The following CAPN13 variants were observed in gnomAD, a reference collection of about 807,000 sequenced individuals.
CAPN13 encodes calpain 13, also known as calpain-13.
CAPN13 carries 90 observed loss-of-function variants against 98.4 expected under a neutral mutation model. The observed-to-expected ratio is 0.92, with a 90% CI of 0.77 to 1.09. CAPN13 has a LOEUF of 1.09. Ranked by LOEUF, CAPN13 falls within the 50% of genes least tolerant of loss-of-function variation. The pLI is 0.00. For synonymous variants in CAPN13, 330 were observed against 305.5 expected (o/e 1.08, Z -0.84); for missense variants, 887 against 841.3 (o/e 1.05, Z -0.67).
chr2:30,777,580 T>A lies in CAPN13; in HGVS notation c.258A>T (p.Gln86His). The A allele has an allele frequency of 1.9e-6, 3 of 1,577,898 alleles. No homozygotes were observed. The East Asian group carries it at 6.9e-5, about 36-fold the overall frequency. Residue 86 changes from glutamine to histidine, a missense_variant, in exon 3 of 23, where the codon CAA (glutamine) becomes CAT (histidine). Gln to His is a conservative substitution (Grantham distance 24). Transcript: ENST00000295055. ...TTGCACTCTTACCTGCGCCTCCTTG[T>A]TGGATGTCAAATCTGCTTATATCAT... is the stretch of plus-strand genomic sequence containing the variant. ...ILDDISRFDI[Q>H]QGGAADCWFL...
At position 30,753,049 on chromosome 2, in the gene CAPN13, T is replaced by A; in HGVS notation, c.1087+4A>T. On this transcript the variant is annotated splice_donor_region_variant and intron_variant, in intron 10 of 22. Transcript: ENST00000295055. ...GGCAGTGTGACCACCAGCGTCATGATTACCTGCAGTGTTTCCTAGAATCAC... is the reference window on the plus strand; with the variant it reads ...GGCAGTGTGACCACCAGCGTCATGAATACCTGCAGTGTTTCCTAGAATCAC... The A allele has an allele frequency of 5.6e-6, 9 of 1,613,798 alleles. No homozygotes were observed. The highest frequency in any genetic ancestry group is 7.6e-6 in the Non-Finnish European group (9 of 1,179,784).
intron 2 of CAPN13, among the ~76,000 whole-genome samples, chr2:30,785,173 C>A (rs72867184): frequency 0.11 from 16,485 of 152,186 alleles, 2,742 homozygotes; most frequent in African/African-American, 0.36. Context: ...CCAGCAGAGT[C>A]CCTGCTAGGC....
At chr2:30,789,492 T>TC (rs1177795249) in intron 1 of CAPN13, among the ~76,000 whole-genome samples, 1 of 152,222 alleles carries the variant, frequency 6.6e-6, no homozygotes, top group African/African-American at 2.4e-5. Flanking sequence ...GAATTTTGCT[T>TC]CATTTCTCCT....
chr2:30,786,075 C>T (rs998708668), intron 2 of CAPN13, among the ~76,000 whole-genome samples: 2 of 152,196 alleles, frequency 1.3e-5, no homozygotes, highest in Non-Finnish European at 2.9e-5. Context: ...AGTTCTCCTT[C>T]CCATGTGCAG....
intron 2 of CAPN13, among the ~76,000 whole-genome samples, chr2:30,780,895 G>A (rs1383196327): frequency 6.6e-6 from 1 of 152,244 alleles, no homozygotes; most frequent in Non-Finnish European, 1.5e-5. Context: ...GGGAAAATGT[G>A]AATGTGCTGA....
intron 21 of CAPN13, 127 bp downstream of exon 21, chr2:30,731,217 G>T (rs1459846689): frequency 8.0e-6 from 6 of 746,946 alleles, no homozygotes; most frequent in African/African-American, 3.6e-5. Flanking sequence ...ATTGGAGGTT[G>T]GGGGGACAGC....
chr2:30,804,944 A>T (rs1034727378), intron 1 of CAPN13, among the ~76,000 whole-genome samples: 1 of 152,212 alleles, frequency 6.6e-6, no homozygotes, highest in Non-Finnish European at 1.5e-5. Context: ...ATGATAATTC[A>T]GTCTTTATTA....
intron 2 of CAPN13, among the ~76,000 whole-genome samples, chr2:30,783,918 T>C (rs1674123378): frequency 6.6e-6 from 1 of 152,134 alleles, no homozygotes; most frequent in Non-Finnish European, 1.5e-5. Flanking sequence ...TGGTGTCTCA[T>C]GCCTGTAATC....
At chr2:30,751,978 G>T (rs889549622) in intron 10 of CAPN13, among the ~76,000 whole-genome samples, 2 of 152,204 alleles carry the variant, frequency 1.3e-5, no homozygotes, top group African/African-American at 4.8e-5. Flanking sequence ...CTGATGTAAA[G>T]GTTTTGTTAG....
At chr2:30,741,618 T>C (rs2147967718) in intron 15 of CAPN13, 1 of 1,175,486 alleles carries the variant, frequency 8.5e-7, no homozygotes, top group Non-Finnish European at 1.1e-6. Flanking sequence ...CAATTGCTTG[T>C]TTAAAGATTT....
intron 1 of CAPN13, among the ~76,000 whole-genome samples, chr2:30,796,234 ATG>A (rs1394996976): frequency 1.4e-5 from 2 of 146,460 alleles, no homozygotes; most frequent in African/African-American, 2.6e-5. Flanking sequence ...GTATATATAT[ATG>A]TGTGCATATA....
chr2:30,756,083 G>C (rs543254588), intron 8 of CAPN13, among the ~76,000 whole-genome samples: 1 of 152,174 alleles, frequency 6.6e-6, no homozygotes, highest in South Asian at 2.1e-4. Context: ...TACAATACGA[G>C]ATCCAACAGA....
At chr2:30,739,719 C>T (rs1350568492) in intron 15 of CAPN13, among the ~76,000 whole-genome samples, 2 of 152,140 alleles carry the variant, frequency 1.3e-5, no homozygotes, top group Non-Finnish European at 2.9e-5. Flanking sequence ...TCTTTTTCCT[C>T]CATATTCCCA....
rs1396917660 is a variant in CAPN13, at chr2:30,730,770, A to G, written c.2000T>C (p.Met667Thr). The part of the protein sequence containing the change: ...LTEMEWMSLV[M>T]YN ...GCTTTCCTCTTTGCTTCAGTTGTAC[A>G]TGACCAGGCTCATCCACTGAAAAAT... The change falls in exon 22 of 23, where the codon ATG (methionine) becomes ACG (threonine). Residue 667 changes from methionine to threonine, a missense_variant. Coordinates refer to ENST00000295055, the MANE Select transcript of CAPN13 (RefSeq NM_144575.3). 1.3e-6 allele frequency: 1 copy of G among 780,918 alleles called. No homozygotes were observed. 48.4% of individuals were successfully genotyped at this position (780,918 alleles called of 1,614,324 possible). A position where few individuals can be genotyped will look rare whatever the true frequency, so the allele number is the denominator to read the frequency against.
chr2:30,788,318 C>T (rs1292017568), intron 1 of CAPN13, among the ~76,000 whole-genome samples: 3 of 152,150 alleles, frequency 2.0e-5, no homozygotes, highest in South Asian at 2.1e-4. Flanking sequence ...GACAGGCATG[C>T]AGTAGTCCCT....
chr2:30,739,238 T>A (rs1671533073), intron 15 of CAPN13, among the ~76,000 whole-genome samples: 1 of 152,152 alleles, frequency 6.6e-6, no homozygotes, highest in African/African-American at 2.4e-5. Context: ...GAAGAGGGGA[T>A]GCTATGCTGC....
rs902210282 is a variant in CAPN13 at position 30,741,601 on chromosome 2, G to T, written c.1536+307C>A. 1.7e-5 allele frequency: 19 copies of T among 1,138,882 alleles called. No individual in the cohort carries two copies. In the African/African-American group the frequency reaches 2.9e-4, roughly 17 times the overall value. The allele number at this position is 1,138,882 out of a possible 1,614,324, so 70.5% of individuals were successfully genotyped here. A position where few individuals can be genotyped will look rare whatever the true frequency, so the allele number is the denominator to read the frequency against. ...GTAGGAGAAGGAAAGGTTTCACGGG[G>T]TACTGCCAATTGCTTGTTTAAAGAT... is the stretch of plus-strand genomic sequence containing the variant. On this transcript the variant is annotated intron_variant, in intron 15 of 22. Coordinates refer to ENST00000295055, the MANE Select transcript of CAPN13 (RefSeq NM_144575.3).
In CAPN13 at chr2:30,733,627, C is replaced by G. The variant is rs114982428; in HGVS notation, c.1798+822G>C. ...GCAGCAATCTGTGCTTTAACGAGCC[C>G]TGAAGAGTCCCAGTTCCACATTATG... On this transcript the variant is annotated intron_variant, in intron 19 of 22. Transcript: ENST00000295055. Among the ~76,000 whole-genome samples the G allele has an allele frequency of 5.3e-3, 808 of 152,122 alleles. 9 individuals carry two copies. Among genetic ancestry groups the G allele is most frequent in the African/African-American group, 0.019 (779 of 41,490 alleles).
intron 6 of CAPN13, among the ~76,000 whole-genome samples, chr2:30,763,652 A>T: frequency 6.6e-6 from 1 of 152,222 alleles, no homozygotes; most frequent in East Asian, 1.9e-4. Context: ...AATAATTTGG[A>T]GGGTCACCCA....
Sources: allele counts gnomAD v4.1 joint callset (sites outside exome capture counted in the v4.1 genomes callset), GRCh38; gene constraint gnomAD v4.1.1; transcripts MANE v1.5; gene names NCBI Gene and HGNC (gene_info 2026-07-23, HGNC 2026-07-21).